PIGN: variants seen among roughly 807,000 people sequenced by gnomAD.
The protein encoded by PIGN is GPI ethanolamine phosphate transferase 1.
In PIGN, 117 loss-of-function variants were observed where a neutral mutation model predicts 125.4. That is an observed-to-expected ratio of 0.93 (90% CI 0.80 to 1.09). The LOEUF (loss-of-function observed/expected upper bound fraction) is 1.09, where lower values mean the gene tolerates loss of function less well. PIGN is among the 50% of genes least tolerant of loss of function. The pLI is 0.00. For missense variants in PIGN, 1,075 were observed against 1,094.9 expected (o/e 0.98, Z 0.26); for synonymous variants, 392 against 377.8 (o/e 1.04, Z -0.44).
At chr18:62,095,995 A>C (rs2034168247) in intron 22 of PIGN, 45 bp from the exon 23 acceptor site, 1 of 1,326,608 alleles carries the variant, frequency 7.5e-7, no homozygotes, top group South Asian at 1.2e-5. Context: ...AAGAGACACA[A>C]AAAAAATGTT....
chr18:62,184,314 A>G (rs2148029509), intron 1 of PIGN, among the ~76,000 whole-genome samples: 1 of 152,362 alleles, frequency 6.6e-6, no homozygotes, highest in South Asian at 2.1e-4. Context: ...ACAAGCTTTA[A>G]TAACTATCAT....
chr18:62,154,703 T>C (rs1187361974), intron 6 of PIGN, 52 bp from the exon 7 acceptor site: 11 of 869,536 alleles, frequency 1.3e-5, no homozygotes, highest in Non-Finnish European at 2.1e-5. Flanking sequence ...TTTTAAACTA[T>C]CATAAAATAT....
chr18:62,085,506 G>C (rs1244441245), intron 25 of PIGN, among the ~76,000 whole-genome samples: 1 of 152,028 alleles, frequency 6.6e-6, no homozygotes, highest in Admixed American at 6.6e-5. Context: ...TTCCTAGTAA[G>C]TTATTTTCCT....
rs1203955570 is a variant in PIGN, at chr18:62,084,570, C to T, written c.2463G>A (p.Val821=). 1.9e-6 allele frequency: 3 copies of T among 1,560,488 alleles called. No individual in the cohort carries two copies. Among genetic ancestry groups the T allele is most frequent in the South Asian group, 1.2e-5 (1 of 84,364 alleles). ...DLASVYCFLT[V]FSPFMMGALM... is the part of the protein sequence containing the mutation. ...GGGCTCCCATCATAAAAGGACTGAA[C>T]ACAGTCAGAAAGCAATAGACAGAGG... The change falls in exon 27 of 31, where the codon GTG becomes GTA. Residue 821 remains valine, a synonymous_variant. Transcript: ENST00000640252.
chr18:62,139,973 T>C (rs1245605363), intron 12 of PIGN, among the ~76,000 whole-genome samples: 2 of 152,124 alleles, frequency 1.3e-5, no homozygotes, highest in Admixed American at 1.3e-4. Flanking sequence ...ACGAAGTCAG[T>C]TTTTGCTGCT....
At chr18:62,138,365 T>C in intron 13 of PIGN, 67 bp from the exon 14 acceptor site, 3 of 1,491,860 alleles carry the variant, frequency 2.0e-6, no homozygotes, top group Non-Finnish European at 2.7e-6. Context: ...AATATAAACA[T>C]CCATTAAAAT....
intron 30 of PIGN, among the ~76,000 whole-genome samples, chr18:62,059,412 G>A (rs1771655866): frequency 6.6e-6 from 1 of 152,078 alleles, no homozygotes; most frequent in Admixed American, 6.6e-5. Context: ...TCTTTTATAA[G>A]CATTATAGAA....
chr18:62,113,214 C>A lies in PIGN; in HGVS notation c.1354G>T (p.Val452Leu), dbSNP rs2034952176. The change falls in exon 16 of 31, where the codon GTG becomes TTG. Residue 452 changes from valine (V) to leucine (L), a missense_variant. Coordinates refer to ENST00000640252, the MANE Select transcript of PIGN (RefSeq NM_176787.5). ...FLGVNVVIGF[V>L]GWISYASLLI... The stretch of plus-strand genomic sequence containing the variant: ...AAAGAGGCATAAGATATCCATCCCA[C>A]AAAACCAATAACAACATTGACGCCC... 2.5e-6 allele frequency: 4 copies of A among 1,613,038 alleles called. No homozygotes were observed. The highest frequency in any genetic ancestry group is 3.4e-6 in the Non-Finnish European group (4 of 1,179,436).
intron 28 of PIGN, among the ~76,000 whole-genome samples, chr18:62,078,926 T>C (rs2033313569): frequency 6.6e-6 from 1 of 152,212 alleles, no homozygotes. Context: ...TTATTATCCA[T>C]GCAACAGACA....
Position 62,148,251 on chromosome 18 carries a change from T to G in PIGN, c.637A>C (p.Ile213Leu). ...KIVFFLHLLG[I>L]DTNGHAHRPS... ...CGATGAGCATGTCCGTTTGTATCTA[T>G]TCCTAATAAATGTAAGAAAAAAACT... Residue 213 changes from isoleucine to leucine, a missense_variant, in exon 8 of 31, where the codon ATA becomes CTA. Physicochemically the swap from Ile to Leu is conservative, Grantham distance 5. This residue lies in a region of PIGN where 915 missense variants were observed against 908.7 expected (regional missense o/e 1.01). Coordinates refer to ENST00000640252, the MANE Select transcript of PIGN (RefSeq NM_176787.5). 1 of 1,541,856 alleles carries G rather than the reference T, an allele frequency of 6.5e-7. No individual in the cohort carries two copies. The highest frequency in any genetic ancestry group is 8.8e-7 in the Non-Finnish European group (1 of 1,141,976).
intron 27 of PIGN, among the ~76,000 whole-genome samples, chr18:62,083,489 T>C (rs912471014): frequency 2.6e-5 from 4 of 152,102 alleles, no homozygotes; most frequent in East Asian, 1.9e-4. Flanking sequence ...ATGAATAAAA[T>C]AGAATTCAGC....
intron 4 of PIGN, among the ~76,000 whole-genome samples, chr18:62,159,413 T>C (rs2036859977): frequency 6.6e-6 from 1 of 152,202 alleles, no homozygotes; most frequent in African/African-American, 2.4e-5. Flanking sequence ...CCAGAAAAGC[T>C]TGACTTTATT....
At chr18:62,077,235 A>G (rs1256201851) in intron 28 of PIGN, among the ~76,000 whole-genome samples, 1 of 152,030 alleles carries the variant, frequency 6.6e-6, no homozygotes, top group East Asian at 1.9e-4. Flanking sequence ...AAAATTAGGC[A>G]GGTGTGGTGG....
chr18:62,165,345 T>C lies in PIGN; in HGVS notation c.-235-1689A>G, dbSNP rs532382745. Among the ~76,000 whole-genome samples, 4 of 152,320 alleles carry C rather than the reference T, an allele frequency of 2.6e-5. No homozygotes were observed. In the South Asian group the frequency reaches 8.3e-4, roughly 32 times the overall value. ...CTGTGAACTAAATAAACCTCTTTTC[T>C]TTATACATTACCCAGTTTCAGGTAT... On this transcript the variant is annotated intron_variant, in intron 1 of 30. Coordinates refer to ENST00000640252, the MANE Select transcript of PIGN (RefSeq NM_176787.5).
intron 30 of PIGN, among the ~76,000 whole-genome samples, chr18:62,051,067 G>C (rs1295862290): frequency 6.7e-6 from 1 of 149,006 alleles, no homozygotes; most frequent in African/African-American, 2.5e-5. Flanking sequence ...GATCATGGTG[G>C]ATAAGCTTTT....
intron 23 of PIGN, among the ~76,000 whole-genome samples, chr18:62,092,817 T>A (rs1258345294): frequency 6.6e-6 from 1 of 152,118 alleles, no homozygotes; most frequent in Non-Finnish European, 1.5e-5. Flanking sequence ...ATATTTACAA[T>A]GCTTGTATCC....
At chr18:62,144,388 A>G (rs1420170949) in intron 10 of PIGN, among the ~76,000 whole-genome samples, 1 of 152,192 alleles carries the variant, frequency 6.6e-6, no homozygotes, top group Admixed American at 6.5e-5. Context: ...AACATACTTC[A>G]TGCTCTCCTT....
At chr18:62,113,445 T>C (rs942320712) in intron 15 of PIGN, 129 bp from the exon 16 acceptor site, 1 of 614,880 alleles carries the variant, frequency 1.6e-6, no homozygotes, top group African/African-American at 1.9e-5. Flanking sequence ...CTGTAGATGA[T>C]GGATTAAGAA....
intron 30 of PIGN, among the ~76,000 whole-genome samples, chr18:62,053,203 G>T (rs183612822): frequency 1.3e-5 from 2 of 152,184 alleles, no homozygotes; most frequent in East Asian, 3.9e-4. Flanking sequence ...AGGAGGTAAG[G>T]TTTCCATATA....
Sources: gnomAD v4.1 joint callset for allele counts (sites outside exome capture counted in the v4.1 genomes callset) on GRCh38, gnomAD v4.1.1 for gene constraint, gnomAD v4.1.1 regional missense constraint, MANE v1.5 for transcripts, NCBI Gene and HGNC (gene_info 2026-07-23, HGNC 2026-07-21) for gene names.